C2orf92: variants seen among roughly 807,000 people sequenced by gnomAD.
C2orf92 encodes chromosome 2 open reading frame 92.
At chr2:97,683,630 A>G (rs1429195615) in intron 3 of C2orf92, among the ~76,000 whole-genome samples, 1 of 152,170 alleles carries the variant, frequency 6.6e-6, no homozygotes, top group Admixed American at 6.5e-5. Flanking sequence ...TTTTCCCAGC[A>G]AAAGAAAAAT....
At chr2:97,688,564 C>T (rs906370232) in intron 3 of C2orf92, among the ~76,000 whole-genome samples, 2 of 152,154 alleles carry the variant, frequency 1.3e-5, no homozygotes, top group African/African-American at 4.8e-5. Context: ...TTTTATGAGT[C>T]ATCTTGCGAA....
intron 6 of C2orf92, among the ~76,000 whole-genome samples, chr2:97,700,609 C>A (rs560390562): frequency 6.6e-6 from 1 of 152,156 alleles, no homozygotes; most frequent in Non-Finnish European, 1.5e-5. Flanking sequence ...TCTCCACCCC[C>A]CAAAATCATC....
chr2:97,667,390 G>C (rs1675269308), upstream of C2orf92, among the ~76,000 whole-genome samples: 1 of 148,286 alleles, frequency 6.7e-6, no homozygotes, highest in African/African-American at 2.5e-5. Flanking sequence ...AGCCTCCCTA[G>C]TAGCTGGGAT....
chr2:97,664,849 A>T (rs1453136032), upstream of C2orf92: 1 of 152,212 alleles, frequency 6.6e-6, no homozygotes, highest in Non-Finnish European at 1.5e-5. Flanking sequence ...CGTTGGGATT[A>T]CAGGCGTCAG....
chr2:97,690,538 G>A (rs754416226), intron 5 of C2orf92, among the ~76,000 whole-genome samples: 1 of 151,614 alleles, frequency 6.6e-6, no homozygotes. Context: ...CCGCTACCAC[G>A]CCTGGCTAAT....
chr2:97,682,158 C>T (rs186370237), intron 3 of C2orf92, among the ~76,000 whole-genome samples: 1,528 of 152,194 alleles, frequency 0.01, 13 homozygotes, highest in Non-Finnish European at 0.014. Context: ...AAATAGAAAG[C>T]ATTTAATGAG....
rs901369112 is a variant in C2orf92 at position 97,695,972 on chromosome 2, A to G, written c.404-3054A>G. Reference sequence around the variant, plus strand: ...TAGTTCTGGCTCAGAGTCCCCCATGAGGTTGCAGTCAAGATTCTTCCAGAT... The same window carrying G: ...TAGTTCTGGCTCAGAGTCCCCCATGGGGTTGCAGTCAAGATTCTTCCAGAT... On this transcript the variant is annotated intron_variant, in intron 5 of 7. Transcript: ENST00000627399. Among the ~76,000 whole-genome samples, 4 of 152,164 alleles carry G rather than the reference A, an allele frequency of 2.6e-5. No homozygotes were observed. The East Asian group carries it at 7.8e-4, about 30-fold the overall frequency.
chr2:97,666,883 G>C (rs1048812841), upstream of C2orf92: 1 of 150,918 alleles, frequency 6.6e-6, no homozygotes, highest in African/African-American at 2.4e-5. Flanking sequence ...TTTTAAAATG[G>C]TGTCACCCTG....
At chr2:97,671,293 A>G in intron 1 of C2orf92, 1 of 380,718 alleles carries the variant, frequency 2.6e-6, no homozygotes. Flanking sequence ...ACAGGTGCAC[A>G]CCACCACGCC....
At chr2:97,683,076 CCACACACACA>C (rs760650490) in intron 3 of C2orf92, among the ~76,000 whole-genome samples, 14 of 143,164 alleles carry the variant, frequency 9.8e-5, no homozygotes, top group African/African-American at 1.6e-4. Context: ...CATATAGACT[CCACACACACA>C]CACACACACA....
At chr2:97,702,224 G>A (rs1192891887) in intron 7 of C2orf92, 1 of 152,336 alleles carries the variant, frequency 6.6e-6, no homozygotes, top group African/African-American at 2.4e-5. Flanking sequence ...GACTCCAGAG[G>A]TAGCAGTGTT....
intron 3 of C2orf92, among the ~76,000 whole-genome samples, chr2:97,678,234 C>T (rs1364407614): frequency 6.7e-6 from 1 of 149,248 alleles, no homozygotes; most frequent in East Asian, 2.0e-4. Context: ...GATCAGCACA[C>T]TTGAAGATAA....
At chr2:97,666,176 G>A (rs189497426), upstream of C2orf92, among the ~76,000 whole-genome samples, 68 of 152,084 alleles carry the variant, frequency 4.5e-4, no homozygotes, top group Non-Finnish European at 1.8e-4. Context: ...TTACTAAACT[G>A]CTCTTTTAGC....
intron 5 of C2orf92, among the ~76,000 whole-genome samples, chr2:97,698,339 A>G (rs1174634821): frequency 6.6e-6 from 1 of 152,190 alleles, no homozygotes; most frequent in Non-Finnish European, 1.5e-5. Context: ...GCCCTTTGAC[A>G]GGTCCCATAT....
At chr2:97,693,842 T>C (rs1050132756) in intron 5 of C2orf92, among the ~76,000 whole-genome samples, 5 of 152,260 alleles carry the variant, frequency 3.3e-5, no homozygotes, top group Non-Finnish European at 7.3e-5. Flanking sequence ...CTTTTAATTA[T>C]TGATACATAT....
At chr2:97,691,768 A>C (rs1676145833) in intron 5 of C2orf92, among the ~76,000 whole-genome samples, 1 of 152,084 alleles carries the variant, frequency 6.6e-6, no homozygotes, top group Non-Finnish European at 1.5e-5. Context: ...CAGGAGTTCA[A>C]GACCAGCTAC....
chr2:97,693,148 A>G (rs936233465), intron 5 of C2orf92, among the ~76,000 whole-genome samples: 50 of 152,338 alleles, frequency 3.3e-4, no homozygotes, highest in African/African-American at 1.1e-3. Flanking sequence ...GTTGTAGCAT[A>G]TGACAGAATT....
chr2:97,664,991 C>T (rs1675159500), upstream of C2orf92, among the ~76,000 whole-genome samples: 1 of 152,244 alleles, frequency 6.6e-6, no homozygotes, highest in South Asian at 2.1e-4. Flanking sequence ...CTGCGGAGCA[C>T]TTCTGCCCAC....
intron 5 of C2orf92, among the ~76,000 whole-genome samples, chr2:97,693,827 T>C (rs1343746772): frequency 6.6e-6 from 1 of 152,246 alleles, no homozygotes; most frequent in Non-Finnish European, 1.5e-5. Flanking sequence ...AGCCATGATT[T>C]ATAACTTTTA....
Sources: gnomAD v4.1 joint callset for allele counts (sites outside exome capture counted in the v4.1 genomes callset) on GRCh38, gnomAD v4.1.1 for gene constraint, MANE v1.5 for transcripts, NCBI Gene and HGNC (gene_info 2026-07-23, HGNC 2026-07-21) for gene names.